WWOX: variants seen among roughly 807,000 people sequenced by gnomAD.
WWOX encodes the protein WW domain-containing oxidoreductase.
WWOX carries 69 observed loss-of-function variants against 46.2 expected under a neutral mutation model. The observed-to-expected ratio is 1.49, with a 90% confidence interval of 1.23 to 1.82. The LOEUF is 1.82. Ranked by LOEUF, WWOX falls within the 40% of genes most tolerant of loss-of-function variation. The pLI, the probability that WWOX is intolerant of heterozygous loss-of-function variation, is 0.00. For missense variants in WWOX, 919 were observed against 542.6 expected, an observed-to-expected ratio of 1.69 and a Z score of -6.89; for synonymous variants, 359 against 202.6, an observed-to-expected ratio of 1.77 and a Z score of -6.56.
At chr16:78,179,388 C>G (rs1898097082) in intron 5 of WWOX, among the ~76,000 whole-genome samples, 1 of 152,136 alleles carries the variant, frequency 6.6e-6, no homozygotes. Context: ...TTGGAAAGGA[C>G]TTTCTGAGAT....
At chr16:78,434,085 G>A (rs1244597819) in intron 8 of WWOX, among the ~76,000 whole-genome samples, 2 of 152,152 alleles carry the variant, frequency 1.3e-5, no homozygotes, top group African/African-American at 4.8e-5. Context: ...CACCGCGCCC[G>A]GCCTGGGGAT....
chr16:78,440,486 A>G (rs181213122), intron 8 of WWOX, among the ~76,000 whole-genome samples: 1 of 152,346 alleles, frequency 6.6e-6, no homozygotes, highest in East Asian at 1.9e-4. Context: ...CAGAACAGCC[A>G]GTGCCTAGAA....
chr16:78,674,523 G>A (rs550467671), intron 8 of WWOX, among the ~76,000 whole-genome samples: 2 of 152,170 alleles, frequency 1.3e-5, no homozygotes, highest in African/African-American at 4.8e-5. Flanking sequence ...GACGTCAGGT[G>A]ATCCACCCTC....
At chr16:78,902,754 A>G (rs2044862074) in intron 8 of WWOX, among the ~76,000 whole-genome samples, 10 of 152,226 alleles carry the variant, frequency 6.6e-5, no homozygotes, top group Admixed American at 6.5e-4. Flanking sequence ...TTTTCCATCC[A>G]CTGTCTTCTA....
chr16:79,212,340 G>A lies in WWOX; in HGVS notation c.*544G>A. ...CTCAGAACCTTGTCCCAGCCAGTGA[G>A]GATGACAGTGACACCCAGAGGGAGT... On this transcript the variant is annotated 3_prime_UTR_variant, in exon 9 of 9. Coordinates refer to ENST00000566780, the MANE Select transcript of WWOX (RefSeq NM_016373.4). The A allele has an allele frequency of 1.5e-6, 1 of 670,874 alleles. No individual in the cohort carries two copies. Among genetic ancestry groups the A allele is most frequent in the South Asian group, 2.3e-5 (1 of 42,844 alleles). The allele number at this position is 670,874 out of a possible 1,614,324, so 41.6% of individuals were successfully genotyped here.
chr16:78,762,410 G>A (rs887836508), intron 8 of WWOX, among the ~76,000 whole-genome samples: 1 of 152,190 alleles, frequency 6.6e-6, no homozygotes, highest in Admixed American at 6.5e-5. Context: ...GTGTACTTTA[G>A]AAGGGGAACT....
At chr16:79,048,379 T>G (rs1408556814) in intron 8 of WWOX, among the ~76,000 whole-genome samples, 1 of 152,014 alleles carries the variant, frequency 6.6e-6, no homozygotes, top group Admixed American at 6.5e-5. Flanking sequence ...GTTTACAAAT[T>G]ACCCCCATTT....
At chr16:79,070,025 T>G (rs1265657724) in intron 8 of WWOX, among the ~76,000 whole-genome samples, 1 of 152,240 alleles carries the variant, frequency 6.6e-6, no homozygotes, top group Non-Finnish European at 1.5e-5. Flanking sequence ...GAAAAACAAT[T>G]TATTTCCTAT....
chr16:79,016,305 T>C (rs1324906582), intron 8 of WWOX: 1 of 152,300 alleles, frequency 6.6e-6, no homozygotes, highest in Admixed American at 6.5e-5. Context: ...ACTGATGAGA[T>C]GCGGTGATGC....
intron 8 of WWOX, among the ~76,000 whole-genome samples, chr16:78,979,621 C>A (rs1467746695): frequency 6.6e-6 from 1 of 152,120 alleles, no homozygotes; most frequent in Non-Finnish European, 1.5e-5. Flanking sequence ...TCTACCGATG[C>A]TCTTGAAAGG....
chr16:78,317,797 C>T (rs1435097750), intron 5 of WWOX, among the ~76,000 whole-genome samples: 4 of 152,164 alleles, frequency 2.6e-5, no homozygotes, highest in Admixed American at 6.5e-5. Flanking sequence ...GTGTTTATGA[C>T]ATCCAAGGAC....
intron 5 of WWOX, among the ~76,000 whole-genome samples, chr16:78,290,771 G>A (rs1264021041): frequency 6.6e-6 from 1 of 152,016 alleles, no homozygotes; most frequent in Non-Finnish European, 1.5e-5. Context: ...TATTTAGGGA[G>A]CACTTTTCAA....
intron 5 of WWOX, among the ~76,000 whole-genome samples, chr16:78,291,185 A>T (rs771974788): frequency 6.6e-6 from 1 of 152,210 alleles, no homozygotes; most frequent in Non-Finnish European, 1.5e-5. Flanking sequence ...ACATATTTTT[A>T]TCTGACATTT....
At chr16:78,378,027 G>A (rs1048601209) in intron 5 of WWOX, among the ~76,000 whole-genome samples, 1 of 152,042 alleles carries the variant, frequency 6.6e-6, no homozygotes, top group Non-Finnish European at 1.5e-5. Context: ...GGAGGGCCCT[G>A]GAGTGAAGGT....
chr16:78,259,464 C>G (rs1367843069), intron 5 of WWOX, among the ~76,000 whole-genome samples: 1 of 145,104 alleles, frequency 6.9e-6, no homozygotes, highest in East Asian at 1.9e-4. Context: ...CTAGCTGGGA[C>G]TACAGGCACA....
chr16:79,148,630 C>A (rs13334837), intron 8 of WWOX, among the ~76,000 whole-genome samples: 2 of 152,118 alleles, frequency 1.3e-5, no homozygotes, highest in Non-Finnish European at 2.9e-5. Context: ...GGGTTTAAAT[C>A]TATAGGTCTA....
intron 8 of WWOX, among the ~76,000 whole-genome samples, chr16:78,817,821 C>G (rs967771714): frequency 4.6e-5 from 7 of 152,150 alleles, no homozygotes; most frequent in Non-Finnish European, 7.3e-5. Context: ...AGTCCAGTCA[C>G]CCCAGTGAAA....
At position 79,025,886 on chromosome 16, in the gene WWOX, C is replaced by T. The variant is rs2047630333; in HGVS notation, c.1057-185722C>T. 5.5e-5 allele frequency among the ~76,000 whole-genome samples: 8 copies of T among 145,564 alleles called. No individual in the cohort carries two copies. The South Asian group carries it at 6.4e-4, about 12-fold the overall frequency. ...CAATCTTGGTTCACTGCAGCCTCCG[C>T]CTCCTGGGTTCAAGTGATTCTCCTG... On this transcript the variant is annotated intron_variant, in intron 8 of 8. Coordinates refer to ENST00000566780, the MANE Select transcript of WWOX (RefSeq NM_016373.4).
At chr16:78,895,820 A>G (rs1194503697) in intron 8 of WWOX, 1 of 152,222 alleles carries the variant, frequency 6.6e-6, no homozygotes, top group African/African-American at 2.4e-5. Context: ...ACTGACTCAC[A>G]GTATCCGACT....
Sources: gnomAD v4.1 joint callset for allele counts (sites outside exome capture counted in the v4.1 genomes callset) on GRCh38, gnomAD v4.1.1 for gene constraint, MANE v1.5 for transcripts, NCBI Gene and HGNC (gene_info 2026-07-23, HGNC 2026-07-21) for gene names.